The following TMEM132D variants were observed in gnomAD, a reference collection of about 807,000 sequenced individuals.
The protein encoded by TMEM132D is mature OL transmembrane protein.
TMEM132D carries 21 observed loss-of-function variants against 62.3 expected under a neutral mutation model. The ratio of observed to expected loss-of-function variants is 0.34; its 90% confidence interval spans 0.24 to 0.49. The LOEUF is 0.49. Among genes scored for constraint, TMEM132D ranks in the 20% least tolerant of loss-of-function variants. The pLI, the probability that TMEM132D is intolerant of heterozygous loss-of-function variation, is 0.99. For missense variants in TMEM132D, 1,346 were observed against 1,402.8 expected (o/e 0.96, Z 0.65); for synonymous variants, 621 against 575.6 (o/e 1.08, Z -1.13).
At chr12:129,694,624 T>A (rs751623302) in intron 2 of TMEM132D, among the ~76,000 whole-genome samples, 2 of 152,214 alleles carry the variant, frequency 1.3e-5, no homozygotes, top group African/African-American at 2.4e-5. Flanking sequence ...CAAACTGTGT[T>A]CAAATAAGGC....
intron 1 of TMEM132D, among the ~76,000 whole-genome samples, chr12:129,817,826 G>A (rs1872401181): frequency 6.7e-6 from 1 of 149,772 alleles, no homozygotes; most frequent in African/African-American, 2.5e-5. Context: ...GTGTATCTGT[G>A]TGTATGTGGT....
At chr12:129,165,996 C>G (rs1277954368) in intron 5 of TMEM132D, among the ~76,000 whole-genome samples, 3 of 152,180 alleles carry the variant, frequency 2.0e-5, no homozygotes, top group East Asian at 3.9e-4. Context: ...GTTCTCACAA[C>G]CACCATTGGA....
chr12:129,836,848 C>A (rs1016666549), intron 1 of TMEM132D, among the ~76,000 whole-genome samples: 1 of 152,132 alleles, frequency 6.6e-6, no homozygotes, highest in Non-Finnish European at 1.5e-5. Context: ...TATATCTCTA[C>A]AAACTTAAAG....
At chr12:129,346,167 T>C (rs930954643) in intron 3 of TMEM132D, among the ~76,000 whole-genome samples, 1 of 152,138 alleles carries the variant, frequency 6.6e-6, no homozygotes, top group African/African-American at 2.4e-5. Flanking sequence ...TTAGTCTTTG[T>C]AGGGTGTGTT....
intron 4 of TMEM132D, among the ~76,000 whole-genome samples, chr12:129,215,720 T>C (rs1879181764): frequency 6.6e-6 from 1 of 152,180 alleles, no homozygotes. Context: ...TTCACACTGC[T>C]GATATACCCA....
intron 1 of TMEM132D, among the ~76,000 whole-genome samples, chr12:129,757,186 A>G (rs968094241): frequency 6.6e-6 from 1 of 152,184 alleles, no homozygotes; most frequent in Non-Finnish European, 1.5e-5. Context: ...CATGTCTTAA[A>G]GTTTTCATAT....
intron 1 of TMEM132D, among the ~76,000 whole-genome samples, chr12:129,794,621 G>A: frequency 6.6e-6 from 1 of 152,058 alleles, no homozygotes; most frequent in East Asian, 1.9e-4. Flanking sequence ...CATAATTTGT[G>A]TTATTTTTGC....
intron 1 of TMEM132D, among the ~76,000 whole-genome samples, chr12:129,895,627 A>G (rs1470138937): frequency 6.6e-6 from 1 of 152,186 alleles, no homozygotes; most frequent in Non-Finnish European, 1.5e-5. Context: ...TGGTCACCTC[A>G]TACGAACATT....
At chr12:129,174,435 T>C (rs569646421) in intron 5 of TMEM132D, among the ~76,000 whole-genome samples, 3 of 152,348 alleles carry the variant, frequency 2.0e-5, no homozygotes, top group African/African-American at 7.2e-5. Context: ...TGTGTATTAT[T>C]CCATGGTGTA....
chr12:129,536,152 T>C (rs1033215333), intron 2 of TMEM132D, among the ~76,000 whole-genome samples: 1 of 152,186 alleles, frequency 6.6e-6, no homozygotes, highest in African/African-American at 2.4e-5. Context: ...TGTGGCCACA[T>C]AGTCTCTGCA....
At chr12:129,426,044 C>G (rs1183893412) in intron 3 of TMEM132D, among the ~76,000 whole-genome samples, 1 of 152,224 alleles carries the variant, frequency 6.6e-6, no homozygotes. Flanking sequence ...AACCACTTCT[C>G]CAGCCAGCTG....
intron 4 of TMEM132D, among the ~76,000 whole-genome samples, chr12:129,226,940 T>A (rs1879495962): frequency 6.6e-6 from 1 of 152,170 alleles, no homozygotes; most frequent in South Asian, 2.1e-4. Context: ...ATCTCCTGTA[T>A]CACAAAAGCA....
At chr12:129,080,019 C>T (rs554961794) in intron 7 of TMEM132D, among the ~76,000 whole-genome samples, 47 of 152,282 alleles carry the variant, frequency 3.1e-4, no homozygotes, top group African/African-American at 1.1e-3. Flanking sequence ...TCTCATCTCG[C>T]TGTGAGTTTC....
chr12:129,792,461 A>T (rs1307361665), intron 1 of TMEM132D, among the ~76,000 whole-genome samples: 1 of 152,214 alleles, frequency 6.6e-6, no homozygotes, highest in Non-Finnish European at 1.5e-5. Context: ...CTATTTTTAT[A>T]ATCACTGAGT....
intron 3 of TMEM132D, among the ~76,000 whole-genome samples, chr12:129,448,762 C>T (rs1259500938): frequency 2.0e-5 from 3 of 152,182 alleles, no homozygotes; most frequent in African/African-American, 7.2e-5. Context: ...TGAACACTTG[C>T]CCTGCGTGTT....
intron 1 of TMEM132D, among the ~76,000 whole-genome samples, chr12:129,781,094 G>A (rs1472577671): frequency 6.6e-6 from 1 of 152,210 alleles, no homozygotes; most frequent in Admixed American, 6.5e-5. Flanking sequence ...CAAAAGCTTT[G>A]TTGCAAAATA....
At position 129,353,119 on chromosome 12, in the gene TMEM132D, C is replaced by CCCTTCCT. The variant is rs1869924229; in HGVS notation, c.1116-15303_1116-15302insAGGAAGG. 4.1e-5 allele frequency among the ~76,000 whole-genome samples: 6 copies of CCCTTCCT among 147,610 alleles called. No homozygotes were observed. In the South Asian group the frequency reaches 8.9e-4, roughly 22 times the overall value. ...CCTCCCTCCCTCCCTGCCTCCCTCCCTCCCTTCCTTCCTTCTCTCTTCTTT... is the reference window on the plus strand; with the variant it reads ...CCTCCCTCCCTCCCTGCCTCCCTCCCCCTTCCTTCCCTTCCTTCCTTCTCTCTTCTTT... On this transcript the variant is annotated intron_variant, in intron 3 of 8. Transcript: ENST00000422113.
intron 2 of TMEM132D, among the ~76,000 whole-genome samples, chr12:129,569,433 C>T (rs985813413): frequency 6.6e-6 from 1 of 152,104 alleles, no homozygotes; most frequent in Non-Finnish European, 1.5e-5. Flanking sequence ...TATGTAAGTG[C>T]CACCATCTCC....
chr12:129,491,287 G>A (rs1449340823), intron 3 of TMEM132D, among the ~76,000 whole-genome samples: 2 of 152,142 alleles, frequency 1.3e-5, no homozygotes, highest in African/African-American at 2.4e-5. Context: ...AAAGCCCACG[G>A]CAACAAACAA....
Sources: gnomAD v4.1 joint callset for allele counts (sites outside exome capture counted in the v4.1 genomes callset) on GRCh38, gnomAD v4.1.1 for gene constraint, MANE v1.5 for transcripts, NCBI Gene and HGNC (gene_info 2026-07-23, HGNC 2026-07-21) for gene names.